Variants in JMJD1C observed in about 807,000 individuals in gnomAD.
JMJD1C encodes the protein jumonji domain containing 1C.
JMJD1C carries 31 observed loss-of-function variants against 245.3 expected under a neutral mutation model. The observed-to-expected ratio is 0.13, with a 90% CI of 0.09 to 0.17. JMJD1C has a LOEUF of 0.17. Ranked by LOEUF, JMJD1C falls within the 10% of genes least tolerant of loss-of-function variation. The pLI is 1.00. For missense variants in JMJD1C, 2,691 were observed against 3,000.2 expected (o/e 0.90, Z 2.41); for synonymous variants, 1,057 against 1,017.4 (o/e 1.04, Z -0.74).
intron 2 of JMJD1C, among the ~76,000 whole-genome samples, chr10:63,287,659 T>C (rs989112870): frequency 6.6e-6 from 1 of 152,230 alleles, no homozygotes; most frequent in African/African-American, 2.4e-5. Flanking sequence ...TGAGTTTTCT[T>C]AGAAAGCATT....
chr10:63,229,793 C>A (rs1214240693), intron 3 of JMJD1C, among the ~76,000 whole-genome samples: 15 of 152,052 alleles, frequency 9.9e-5, no homozygotes, highest in Admixed American at 9.8e-4. Flanking sequence ...TTTTTGCATT[C>A]CAATAATATT....
chr10:63,434,175 T>A, intron 1 of JMJD1C, among the ~76,000 whole-genome samples: 1 of 152,258 alleles, frequency 6.6e-6, no homozygotes, highest in Admixed American at 6.5e-5. Context: ...TATTTAAATT[T>A]TAATAACAAA....
intron 13 of JMJD1C, among the ~76,000 whole-genome samples, chr10:63,195,842 T>C (rs1484112106): frequency 1.3e-5 from 2 of 152,054 alleles, no homozygotes; most frequent in African/African-American, 2.4e-5. Flanking sequence ...GGCAGGAGAA[T>C]GGTGTGAACC....
chr10:63,446,997 T>C (rs1296258898), intron 1 of JMJD1C, among the ~76,000 whole-genome samples: 1 of 152,082 alleles, frequency 6.6e-6, no homozygotes, highest in African/African-American at 2.4e-5. Context: ...ACTCTGTTAT[T>C]ATATTTATGT....
chr10:63,491,965 A>G (rs1954192433), intron 1 of JMJD1C, among the ~76,000 whole-genome samples: 1 of 152,260 alleles, frequency 6.6e-6, no homozygotes, highest in South Asian at 2.1e-4. Flanking sequence ...GGGGAATGCA[A>G]CCTAGCAGAA....
intron 24 of JMJD1C, among the ~76,000 whole-genome samples, chr10:63,172,281 C>T (rs1384864705): frequency 7.9e-5 from 12 of 152,064 alleles, no homozygotes; most frequent in Admixed American, 3.3e-4. Context: ...TGTGTATAGA[C>T]ATAAAGTGGA....
intron 18 of JMJD1C, among the ~76,000 whole-genome samples, chr10:63,188,835 TCTA>T (rs1216585588): frequency 1.3e-5 from 2 of 152,174 alleles, no homozygotes; most frequent in Non-Finnish European, 2.9e-5. Context: ...TAGACATGGA[TCTA>T]CTAACTGGAC....
rs1035862711 is a variant in JMJD1C at position 63,219,564 on chromosome 10, C to T, written c.553+314G>A. On this transcript the variant is annotated intron_variant, in intron 4 of 25. Coordinates refer to ENST00000399262, the MANE Select transcript of JMJD1C (RefSeq NM_032776.3). Reference sequence around the variant, plus strand: ...AATTGTGGCTGTGGGCAACCCTCTACTGCAAACAATGCTTCCTTCTCCAGG... The same window carrying T: ...AATTGTGGCTGTGGGCAACCCTCTATTGCAAACAATGCTTCCTTCTCCAGG... 7.2e-5 allele frequency among the ~76,000 whole-genome samples: 11 copies of T among 152,324 alleles called. No individual in the cohort carries two copies. The South Asian group carries it at 2.1e-3, about 29-fold the overall frequency.
intron 3 of JMJD1C, among the ~76,000 whole-genome samples, chr10:63,244,897 G>A (rs1185777433): frequency 6.6e-6 from 1 of 151,988 alleles, no homozygotes; most frequent in Non-Finnish European, 1.5e-5. Context: ...AGCACTTTGG[G>A]AGGCCAAGGC....
intron 1 of JMJD1C, among the ~76,000 whole-genome samples, chr10:63,490,077 T>C (rs1954119562): frequency 1.3e-5 from 2 of 152,080 alleles, no homozygotes; most frequent in Admixed American, 1.3e-4. Flanking sequence ...AAGAGTTTCA[T>C]CCCAAAACTA....
chr10:63,284,110 C>A (rs1052257736), intron 2 of JMJD1C, among the ~76,000 whole-genome samples: 5 of 151,986 alleles, frequency 3.3e-5, no homozygotes, highest in African/African-American at 9.7e-5. Flanking sequence ...ACTGCAACCT[C>A]TGCCTCCTAG....
intron 2 of JMJD1C, among the ~76,000 whole-genome samples, chr10:63,287,865 G>C (rs976730039): frequency 2.6e-5 from 4 of 151,532 alleles, no homozygotes; most frequent in South Asian, 2.1e-4. Context: ...CTCCTGCCTC[G>C]GCCTCTCAAG....
intron 2 of JMJD1C, among the ~76,000 whole-genome samples, chr10:63,332,741 G>C (rs1045330871): frequency 4.6e-5 from 7 of 152,098 alleles, no homozygotes; most frequent in Admixed American, 1.3e-4. Flanking sequence ...ATTTTTATAG[G>C]TTAAAGAATC....
rs752941477 is a variant in JMJD1C, at chr10:63,493,249, C to CTTTTTTTT, written n.113+28481_113+28488dup. The stretch of plus-strand genomic sequence containing the variant: ...GTAGATGGGAACAAAACTGTTATTT[C>CTTTTTTTT]TTTTTTTTTTTTTTTTTTTTTTTTT... On this transcript the variant is annotated intron_variant and non_coding_transcript_variant, in intron 1 of 3. Coordinates refer to the JMJD1C transcript ENST00000633035. Among the ~76,000 whole-genome samples the CTTTTTTTT allele has an allele frequency of 6.5e-3, 321 of 49,176 alleles. 16 individuals are homozygous for CTTTTTTTT. Among genetic ancestry groups the CTTTTTTTT allele is most frequent in the East Asian group, 0.011 (14 of 1,270 alleles). 32.3% of individuals were successfully genotyped at this position (49,176 alleles called of 152,430 possible). A position where few individuals can be genotyped will look rare whatever the true frequency, so the allele number is the denominator to read the frequency against.
intron 1 of JMJD1C, among the ~76,000 whole-genome samples, chr10:63,495,372 G>A (rs1954324234): frequency 6.7e-6 from 1 of 150,176 alleles, no homozygotes; most frequent in African/African-American, 2.5e-5. Flanking sequence ...CTAACGAACT[G>A]AAATATCAAA....
intron 2 of JMJD1C, among the ~76,000 whole-genome samples, chr10:63,307,512 CAG>C (rs1345974247): frequency 6.6e-6 from 1 of 151,992 alleles, no homozygotes; most frequent in African/African-American, 2.4e-5. Flanking sequence ...TGGGTAGAAA[CAG>C]AAAAAGCAAC....
chr10:63,258,359 CCAAT>C (rs1240562530), intron 3 of JMJD1C, among the ~76,000 whole-genome samples: 2 of 152,256 alleles, frequency 1.3e-5, no homozygotes, highest in African/African-American at 2.4e-5. Flanking sequence ...TAGTGAAGAC[CCAAT>C]CAATTAGCTG....
At chr10:63,372,249 C>T (rs1946377179) in intron 2 of JMJD1C, among the ~76,000 whole-genome samples, 1 of 152,158 alleles carries the variant, frequency 6.6e-6, no homozygotes, top group Non-Finnish European at 1.5e-5. Flanking sequence ...AATTGCCTAT[C>T]TATGAAGGAA....
At chr10:63,489,868 A>C (rs1216084979) in intron 1 of JMJD1C, among the ~76,000 whole-genome samples, 6 of 152,174 alleles carry the variant, frequency 3.9e-5, no homozygotes, top group African/African-American at 2.4e-5. Context: ...GACCAGTACC[A>C]GTCCATGGCT....
Sources: allele counts gnomAD v4.1 joint callset (sites outside exome capture counted in the v4.1 genomes callset), GRCh38; gene constraint gnomAD v4.1.1; transcripts MANE v1.5; gene names NCBI Gene and HGNC (gene_info 2026-07-23, HGNC 2026-07-21).